NELL1: variants seen among roughly 807,000 people sequenced by gnomAD.
The protein encoded by NELL1 is neural EGFL like 1.
A neutral mutation model predicts 107.4 loss-of-function variants in NELL1; 76 were observed. That is an observed-to-expected ratio of 0.71 (90% CI 0.59 to 0.86). The LOEUF is 0.86. NELL1 is among the 40% of genes least tolerant of loss of function. NELL1 has a pLI of 0.00. For synonymous variants in NELL1, 353 were observed against 341.2 expected, an observed-to-expected ratio of 1.03 and a Z score of -0.38; for missense variants, 1,024 against 1,005.5, an observed-to-expected ratio of 1.02 and a Z score of -0.25.
At chr11:21,511,531 C>T (rs894009464) in intron 15 of NELL1, among the ~76,000 whole-genome samples, 2 of 152,138 alleles carry the variant, frequency 1.3e-5, no homozygotes, top group African/African-American at 4.8e-5. Flanking sequence ...TATGCTGGAT[C>T]ATCTCAAATA....
At chr11:21,127,536 G>A (rs1043904405) in intron 13 of NELL1, among the ~76,000 whole-genome samples, 5 of 151,970 alleles carry the variant, frequency 3.3e-5, no homozygotes, top group African/African-American at 1.2e-4. Context: ...GATTGCTTGA[G>A]CCTAGTAGTT....
intron 2 of NELL1, chr11:20,769,307 T>C (rs1044194612): frequency 6.6e-6 from 1 of 151,530 alleles, no homozygotes; most frequent in African/African-American, 2.4e-5. Flanking sequence ...GCCCCGGAGG[T>C]AGGAGGACAA....
intron 2 of NELL1, among the ~76,000 whole-genome samples, chr11:20,758,539 G>A (rs911962951): frequency 4.6e-5 from 7 of 152,176 alleles, no homozygotes; most frequent in Non-Finnish European, 1.0e-4. Context: ...GGGGTAGTGA[G>A]TGCCTGTCCC....
At chr11:21,428,420 G>A (rs1852886103) in intron 15 of NELL1, among the ~76,000 whole-genome samples, 6 of 152,136 alleles carry the variant, frequency 3.9e-5, no homozygotes, top group Admixed American at 3.9e-4. Flanking sequence ...TTGAGATAGT[G>A]TCGATAAAGT....
chr11:21,127,972 T>G (rs991178158), intron 13 of NELL1, among the ~76,000 whole-genome samples: 2 of 152,152 alleles, frequency 1.3e-5, no homozygotes, highest in South Asian at 4.1e-4. Context: ...TTTTTTTTCT[T>G]TCTGTATTAT....
intron 2 of NELL1, among the ~76,000 whole-genome samples, chr11:20,729,354 G>A (rs1855578935): frequency 6.6e-6 from 1 of 152,144 alleles, no homozygotes; most frequent in Non-Finnish European, 1.5e-5. Context: ...TTGAACAGGA[G>A]TGGTGAGAGT....
intron 4 of NELL1, among the ~76,000 whole-genome samples, chr11:20,862,361 T>A (rs1018645957): frequency 6.6e-6 from 1 of 152,090 alleles, no homozygotes; most frequent in Non-Finnish European, 1.5e-5. Flanking sequence ...AGTTTCCATA[T>A]ACCCCGTCAC....
intron 3 of NELL1, among the ~76,000 whole-genome samples, chr11:20,785,665 A>G (rs1413292433): frequency 6.6e-6 from 1 of 152,200 alleles, no homozygotes; most frequent in Non-Finnish European, 1.5e-5. Context: ...AGTCTGATGG[A>G]GGCTGGAGTT....
intron 13 of NELL1, among the ~76,000 whole-genome samples, chr11:21,174,634 G>T (rs1945321): frequency 0.34 from 51,068 of 151,482 alleles, 8,950 homozygotes; most frequent in Middle Eastern, 0.39. Flanking sequence ...ACATTGTGAA[G>T]GAGGGAAGGA....
intron 7 of NELL1, 50 bp downstream of exon 7, chr11:20,919,384 T>C (rs770307991): frequency 8.4e-7 from 1 of 1,188,856 alleles, no homozygotes; most frequent in South Asian, 1.3e-5. Context: ...TTCTGTCCTA[T>C]CTGGAATTTG....
chr11:21,157,192 T>C (rs1856261568), intron 13 of NELL1, among the ~76,000 whole-genome samples: 1 of 151,866 alleles, frequency 6.6e-6, no homozygotes. Flanking sequence ...TGTACATATA[T>C]ATATACACAC....
At chr11:21,441,084 C>G (rs910935235) in intron 15 of NELL1, among the ~76,000 whole-genome samples, 2 of 152,088 alleles carry the variant, frequency 1.3e-5, no homozygotes, top group African/African-American at 4.8e-5. Flanking sequence ...TATTAAACCT[C>G]TTTAATCTTA....
At chr11:21,030,510 T>C (rs532926579) in intron 12 of NELL1, among the ~76,000 whole-genome samples, 1 of 152,302 alleles carries the variant, frequency 6.6e-6, no homozygotes, top group African/African-American at 2.4e-5. Flanking sequence ...GTTAACTTAT[T>C]TGATTAGGAC....
chr11:20,921,803 T>TG (rs1445236883), intron 7 of NELL1, among the ~76,000 whole-genome samples: 5 of 150,808 alleles, frequency 3.3e-5, no homozygotes, highest in African/African-American at 4.9e-5. Flanking sequence ...TGTGTGTTTT[T>TG]TTTTTTTTTT....
intron 15 of NELL1, among the ~76,000 whole-genome samples, chr11:21,485,195 A>G (rs1854593955): frequency 6.6e-6 from 1 of 152,136 alleles, no homozygotes; most frequent in African/African-American, 2.4e-5. Context: ...CAGATTTCCA[A>G]ACCCTGAGCA....
intron 15 of NELL1, among the ~76,000 whole-genome samples, chr11:21,409,154 A>C (rs1333869226): frequency 3.9e-5 from 6 of 152,070 alleles, no homozygotes; most frequent in East Asian, 1.9e-4. Flanking sequence ...CGGCACTATT[A>C]TCAATAGCAA....
intron 15 of NELL1, among the ~76,000 whole-genome samples, chr11:21,374,430 T>A (rs1407035450): frequency 6.6e-6 from 1 of 151,992 alleles, no homozygotes; most frequent in Non-Finnish European, 1.5e-5. Context: ...AGAGGCCTTA[T>A]AACATGGCCA....
In NELL1 at chr11:20,677,941, T is replaced by C; in HGVS notation, c.65T>C (p.Phe22Ser). The change falls in exon 2 of 20, where the codon TTT becomes TCT. Residue 22 changes from phenylalanine to serine, a missense_variant. Phe to Ser is a radical substitution (Grantham distance 155, BLOSUM62 -2). Transcript: ENST00000357134. ...CVCTARTVVG[F>S]GMDPDLQMDI... ...CTTTGTTCCTTTCCAGTGGTGGGCT[T>C]TGGGATGGACCCTGACCTTCAGATG... 1.2e-6 allele frequency: 2 copies of C among 1,614,122 alleles called. No individual in the cohort carries two copies. Among genetic ancestry groups the C allele is most frequent in the Non-Finnish European group, 1.7e-6 (2 of 1,179,984 alleles).
chr11:21,568,964 TATC>T (rs1398781497), intron 17 of NELL1, among the ~76,000 whole-genome samples: 2 of 151,734 alleles, frequency 1.3e-5, no homozygotes, highest in Non-Finnish European at 2.9e-5. Flanking sequence ...AGCCATTTAT[TATC>T]ATTATCAAGC....
Sources: gnomAD v4.1 joint callset for allele counts (sites outside exome capture counted in the v4.1 genomes callset) on GRCh38, gnomAD v4.1.1 for gene constraint, MANE v1.5 for transcripts, NCBI Gene and HGNC (gene_info 2026-07-23, HGNC 2026-07-21) for gene names.